Variants in MAP6 observed in about 807,000 individuals in gnomAD.
The protein encoded by MAP6 is microtubule-associated protein 6.
MAP6 carries 26 observed loss-of-function variants against 42.4 expected under a neutral mutation model. The observed-to-expected ratio is 0.61, with a 90% CI of 0.45 to 0.85. The LOEUF (loss-of-function observed/expected upper bound fraction) is 0.85. Ranked by LOEUF, MAP6 falls within the 40% of genes least tolerant of loss-of-function variation. The probability of loss-of-function intolerance (pLI) is 0.00; values close to 1 mark genes in which losing one functional copy is unlikely to be tolerated. For synonymous variants in MAP6, 418 were observed against 443.8 expected (o/e 0.94, Z 0.73); for missense variants, 966 against 1,099.0 (o/e 0.88, Z 1.71).
intron 3 of MAP6, among the ~76,000 whole-genome samples, chr11:75,601,328 G>A (rs1047767668): frequency 4.0e-5 from 6 of 151,866 alleles, no homozygotes; most frequent in South Asian, 2.1e-4. Context: ...CTCAATCCCC[G>A]TTTTGTCTCT....
intron 1 of MAP6, among the ~76,000 whole-genome samples, chr11:75,649,201 C>T (rs912804988): frequency 1.6e-4 from 25 of 151,874 alleles, no homozygotes; most frequent in African/African-American, 6.1e-4. Context: ...TTTATACAGC[C>T]ATTAAAAAGA....
At chr11:75,599,137 A>G (rs1942627958) in intron 3 of MAP6, 1 of 152,216 alleles carries the variant, frequency 6.6e-6, no homozygotes, top group African/African-American at 2.4e-5. Flanking sequence ...CTAGCAGCTT[A>G]AACCAGTAGC....
At position 75,587,073 on chromosome 11, in the gene MAP6, C is replaced by T; in HGVS notation, c.2428G>A (p.Glu810Lys). 2.5e-6 allele frequency: 4 copies of T among 1,591,140 alleles called. No homozygotes were observed. Among genetic ancestry groups the T allele is most frequent in the Non-Finnish European group, 3.4e-6 (4 of 1,166,424 alleles). ...AGGGGTGAGTGTCAAGGGGAGCTCT[C>T]AATGTATTCCGTATGGGGGGCAGTT... ...IPTAPHTEYI[E>K]SSP Residue 810 changes from glutamate to lysine, a missense_variant, in exon 4 of 4, where the codon GAG becomes AAG. Coordinates refer to ENST00000304771, the MANE Select transcript of MAP6 (RefSeq NM_033063.2).
At chr11:75,603,044 T>G (rs1349040110) in intron 3 of MAP6, 1 of 985,664 alleles carries the variant, frequency 1.0e-6, no homozygotes, top group Non-Finnish European at 1.2e-6. Flanking sequence ...ATAGACAATC[T>G]GTGGTATGCA....
At chr11:75,602,512 C>T (rs1272929623) in intron 3 of MAP6, among the ~76,000 whole-genome samples, 1 of 152,198 alleles carries the variant, frequency 6.6e-6, no homozygotes, top group African/African-American at 2.4e-5. Context: ...CCAGAAATGA[C>T]AGTCCTGCCA....
At position 75,587,013 on chromosome 11, in the gene MAP6, G is replaced by A; in HGVS notation, c.*46C>T. The stretch of plus-strand genomic sequence containing the variant: ...TGTCTTCACTGCCCCTGGGAGGGGA[G>A]CACTCTCACTGTCAGCTCCTTCATT... On this transcript the variant is annotated 3_prime_UTR_variant, in exon 4 of 4. Transcript: ENST00000304771. 6.6e-7 allele frequency: 1 copy of A among 1,511,936 alleles called. No homozygotes were observed. The highest frequency in any genetic ancestry group is 1.3e-5 in the South Asian group (1 of 74,610). 93.7% of individuals were successfully genotyped at this position (1,511,936 alleles called of 1,614,324 possible).
At chr11:75,604,184 T>C in intron 3 of MAP6, 3 of 985,916 alleles carry the variant, frequency 3.0e-6, no homozygotes, top group Non-Finnish European at 3.6e-6. Flanking sequence ...TCGTTTCTGA[T>C]ATTCCTGTTC....
intron 1 of MAP6, among the ~76,000 whole-genome samples, chr11:75,664,063 C>T (rs1398244575): frequency 1.3e-5 from 2 of 152,154 alleles, no homozygotes; most frequent in Non-Finnish European, 2.9e-5. Flanking sequence ...ATTTTAATCC[C>T]CTCCTTATGA....
chr11:75,587,234 G>A lies in MAP6; in HGVS notation c.2267C>T (p.Pro756Leu), dbSNP rs1227403588. Residue 756 changes from proline to leucine, a missense_variant, in exon 4 of 4, where the codon CCT becomes CTT. Physicochemically the swap from Pro to Leu is moderately conservative, Grantham distance 98. This residue lies in a region of MAP6 where 943 missense variants were observed against 1,049.9 expected (regional missense o/e 0.90). Coordinates refer to ENST00000304771, the MANE Select transcript of MAP6 (RefSeq NM_033063.2). ...CACCAGAGGATCTTGATCCTTCAGA[G>A]GCACTGGGACTATAGGAACTTGATT... ...LKNQVPIVPV[P>L]LKDQDPLVPV... 1 of 1,614,014 alleles carries A rather than the reference G, an allele frequency of 6.2e-7. No individual in the cohort carries two copies. Among genetic ancestry groups the A allele is most frequent in the Non-Finnish European group, 8.5e-7 (1 of 1,180,030 alleles).
chr11:75,594,798 G>A (rs752424220), intron 3 of MAP6: 35 of 152,218 alleles, frequency 2.3e-4, no homozygotes, highest in Admixed American at 1.2e-3. Context: ...AGAAGTGAAT[G>A]AGAGCCAAGC....
At chr11:75,656,601 C>T (rs1353103350) in intron 1 of MAP6, among the ~76,000 whole-genome samples, 4 of 152,112 alleles carry the variant, frequency 2.6e-5, no homozygotes, top group Non-Finnish European at 4.4e-5. Context: ...CCCTCACATA[C>T]CAGAGATATC....
rs181284082 is a variant in MAP6 at position 75,626,992 on chromosome 11, G to A, written c.906-18670C>T. Among the ~76,000 whole-genome samples the A allele has an allele frequency of 1.3e-3, 191 of 152,280 alleles. 1 individual carries two copies. Among genetic ancestry groups the A allele is most frequent in the Middle Eastern group, 3.4e-3 (1 of 294 alleles). The stretch of plus-strand genomic sequence containing the variant: ...GCGATGAGTGAAATCTAATTGTGAC[G>A]GGTGGCAGAAAAAAATGCATTACAA... On this transcript the variant is annotated intron_variant, in intron 1 of 3. Transcript: ENST00000304771.
At chr11:75,632,561 G>A (rs371269433) in intron 1 of MAP6, among the ~76,000 whole-genome samples, 8 of 152,038 alleles carry the variant, frequency 5.3e-5, no homozygotes, top group African/African-American at 1.2e-4. Flanking sequence ...TTTGTTTTGC[G>A]TGATTCTATA....
chr11:75,604,017 A>G lies in MAP6; in HGVS notation c.1316+1791T>C, dbSNP rs73488403. ...CTGGCAAAGAGTTGGAATCAGTGCC[A>G]GGATCCACTCTAGTCATTTCCTGAT... On this transcript the variant is annotated intron_variant, in intron 3 of 3. Coordinates refer to ENST00000304771, the MANE Select transcript of MAP6 (RefSeq NM_033063.2). 3.0e-3 allele frequency: 2,962 copies of G among 985,612 alleles called. 84 individuals are homozygous for G. The African/African-American group carries it at 0.048, about 16-fold the overall frequency. 61.1% of individuals were successfully genotyped at this position (985,612 alleles called of 1,614,324 possible). A position where few individuals can be genotyped will look rare whatever the true frequency, so the allele number is the denominator to read the frequency against.
At chr11:75,601,272 G>A (rs149108530) in intron 3 of MAP6, among the ~76,000 whole-genome samples, 1 of 152,154 alleles carries the variant, frequency 6.6e-6, no homozygotes, top group African/African-American at 2.4e-5. Flanking sequence ...TCTCTGTGCC[G>A]CTATTTCTAC....
intron 1 of MAP6, among the ~76,000 whole-genome samples, chr11:75,652,370 A>T (rs1943661875): frequency 6.6e-6 from 1 of 152,114 alleles, no homozygotes; most frequent in African/African-American, 2.4e-5. Context: ...CTAGCTCTCC[A>T]TGCCCCAGCT....
intron 1 of MAP6, among the ~76,000 whole-genome samples, chr11:75,663,641 G>C (rs1433266769): frequency 1.3e-5 from 2 of 152,152 alleles, no homozygotes; most frequent in Non-Finnish European, 2.9e-5. Context: ...AGTAAAAAGG[G>C]AATAGAAGAA....
chr11:75,615,930 G>A (rs1942986847), intron 1 of MAP6, among the ~76,000 whole-genome samples: 1 of 140,244 alleles, frequency 7.1e-6, no homozygotes, highest in African/African-American at 2.6e-5. Flanking sequence ...GAAGAGGGAG[G>A]GAGGGAGCCA....
chr11:75,602,789 G>A, intron 3 of MAP6: 2 of 977,402 alleles, frequency 2.0e-6, no homozygotes, highest in East Asian at 2.3e-4. Flanking sequence ...TGCAGAGAAT[G>A]GCTCAAATGC....
Sources: gnomAD v4.1 joint callset for allele counts (sites outside exome capture counted in the v4.1 genomes callset) on GRCh38, gnomAD v4.1.1 for gene constraint, gnomAD v4.1.1 regional missense constraint, MANE v1.5 for transcripts, NCBI Gene and HGNC (gene_info 2026-07-23, HGNC 2026-07-21) for gene names.